The following GRM1 variants were observed in gnomAD, a reference collection of about 807,000 sequenced individuals.
The protein encoded by GRM1 is metabotropic glutamate receptor 1.
In GRM1, 33 loss-of-function variants were observed where a neutral mutation model predicts 90.9. That is an observed-to-expected ratio of 0.36 (90% CI 0.28 to 0.49). The LOEUF is 0.49. Among genes scored for constraint, GRM1 ranks in the 20% least tolerant of loss-of-function variants. The pLI is 0.99. For missense variants in GRM1, 1,190 were observed against 1,534.3 expected (o/e 0.78, Z 3.75); for synonymous variants, 700 against 613.2 (o/e 1.14, Z -2.09).
At chr6:146,335,695 G>T (rs1784749879) in intron 3 of GRM1, among the ~76,000 whole-genome samples, 1 of 151,362 alleles carries the variant, frequency 6.6e-6, no homozygotes, top group Admixed American at 6.6e-5. Flanking sequence ...TAATGTGTAG[G>T]TCTATGATGA....
chr6:146,352,120 G>A, intron 3 of GRM1, 130 bp from the exon 4 acceptor site: 1 of 839,944 alleles, frequency 1.2e-6, no homozygotes, highest in South Asian at 1.4e-5. Context: ...TGCACAGGTG[G>A]GCGTGGCTTC....
chr6:146,219,190 T>C (rs1158480378), intron 2 of GRM1, among the ~76,000 whole-genome samples: 2 of 152,212 alleles, frequency 1.3e-5, no homozygotes, highest in Non-Finnish European at 2.9e-5. Flanking sequence ...GAATTTGAAG[T>C]AGTTTTTTAA....
At chr6:146,130,070 A>G (rs1255913932) in intron 1 of GRM1, among the ~76,000 whole-genome samples, 1 of 152,128 alleles carries the variant, frequency 6.6e-6, no homozygotes, top group Non-Finnish European at 1.5e-5. Context: ...GCTTCATTGT[A>G]TATTTAAGAT....
intron 1 of GRM1, among the ~76,000 whole-genome samples, chr6:146,130,472 T>C (rs1321270362): frequency 2.6e-5 from 4 of 152,134 alleles, no homozygotes; most frequent in Non-Finnish European, 2.9e-5. Flanking sequence ...TTATTTTATA[T>C]TTTTAAGTTT....
At chr6:146,386,406 C>A (rs907093290) in intron 5 of GRM1, among the ~76,000 whole-genome samples, 1 of 151,980 alleles carries the variant, frequency 6.6e-6, no homozygotes, top group African/African-American at 2.4e-5. Flanking sequence ...TATATAGTTG[C>A]TCTTGAGTGA....
chr6:146,267,631 G>GGGTGGGCTGC (rs1241549065), intron 2 of GRM1, among the ~76,000 whole-genome samples: 1 of 137,610 alleles, frequency 7.3e-6, no homozygotes, highest in Non-Finnish European at 1.5e-5. Context: ...GGCTGGGCTG[G>GGGTGGGCTGC]GCTGGGCTGC....
At chr6:146,032,008 T>C (rs1790724297) in intron 1 of GRM1, among the ~76,000 whole-genome samples, 1 of 152,216 alleles carries the variant, frequency 6.6e-6, no homozygotes, top group African/African-American at 2.4e-5. Flanking sequence ...ATTTTCCATA[T>C]TTCATTATAA....
intron 1 of GRM1, among the ~76,000 whole-genome samples, chr6:146,131,494 G>GGT (rs1315632194): frequency 1.1e-4 from 16 of 149,706 alleles, no homozygotes; most frequent in African/African-American, 2.7e-4. Context: ...TATATGATAT[G>GGT]GTATATATAT....
intron 1 of GRM1, among the ~76,000 whole-genome samples, chr6:146,077,537 A>G (rs2128861529): frequency 6.6e-6 from 1 of 152,340 alleles, no homozygotes; most frequent in South Asian, 2.1e-4. Context: ...TAGAACAAGC[A>G]CTAGCTGGAC....
At chr6:146,195,516 C>T (rs558776516) in intron 2 of GRM1, among the ~76,000 whole-genome samples, 4 of 152,000 alleles carry the variant, frequency 2.6e-5, no homozygotes, top group Non-Finnish European at 4.4e-5. Flanking sequence ...GCAGGCAAAG[C>T]CTCTTCTCTT....
chr6:146,140,535 C>G (rs923024207), intron 1 of GRM1, among the ~76,000 whole-genome samples: 5 of 152,148 alleles, frequency 3.3e-5, no homozygotes, highest in Admixed American at 6.5e-5. Context: ...TCCCAAAATT[C>G]TGGGATTATA....
rs1323161227 is a variant in GRM1 at position 146,374,320 on chromosome 6, G to T, written c.1603-12570G>T. ...CAATATTCATCAGAAATAATGGCCT[G>T]TAGTTATACTTTTTTGATGTATCTT... On this transcript the variant is annotated intron_variant, in intron 5 of 7. Coordinates refer to ENST00000282753, the MANE Select transcript of GRM1 (RefSeq NM_001278064.2). Among the ~76,000 whole-genome samples, 3 of 152,022 alleles carry T rather than the reference G, an allele frequency of 2.0e-5. No homozygotes were observed. The East Asian group carries it at 5.8e-4, about 29-fold the overall frequency.
chr6:146,369,274 T>C (rs1160694340), intron 5 of GRM1, among the ~76,000 whole-genome samples: 2 of 151,970 alleles, frequency 1.3e-5, no homozygotes, highest in Admixed American at 6.6e-5. Flanking sequence ...GTTTATCTTT[T>C]CATAAAACTA....
At chr6:146,099,838 T>C (rs1214908931) in intron 1 of GRM1, among the ~76,000 whole-genome samples, 1 of 152,218 alleles carries the variant, frequency 6.6e-6, no homozygotes, top group Non-Finnish European at 1.5e-5. Context: ...TTTGGGGCTA[T>C]TTTGAACAAT....
chr6:146,204,351 A>T (rs987265562), intron 2 of GRM1, among the ~76,000 whole-genome samples: 2 of 152,266 alleles, frequency 1.3e-5, no homozygotes, highest in African/African-American at 4.8e-5. Context: ...GTTTACGGTT[A>T]GCAAAGAAAG....
rs36079128 is a variant in GRM1, at chr6:146,436,275, AT to A, written c.*1484del. 6.6e-6 allele frequency: 1 copy of A among 152,132 alleles called. No homozygotes were observed. The highest frequency in any genetic ancestry group is 2.1e-4 in the South Asian group (1 of 4,834). 9.4% of individuals were successfully genotyped at this position (152,132 alleles called of 1,614,324 possible). A position where few individuals can be genotyped will look rare whatever the true frequency, so the allele number is the denominator to read the frequency against. ...ACATTTTTCTTCTAAGATGGAACTTATTTTTCAGATATTTTCTGATGTGGAG... is the reference window on the plus strand; with the variant it reads ...ACATTTTTCTTCTAAGATGGAACTTATTTTCAGATATTTTCTGATGTGGAG... On this transcript the variant is annotated 3_prime_UTR_variant, in exon 8 of 8. Transcript: ENST00000282753.
chr6:146,387,687 T>A (rs1040830581), intron 6 of GRM1, among the ~76,000 whole-genome samples: 4 of 151,840 alleles, frequency 2.6e-5, no homozygotes, highest in African/African-American at 7.3e-5. Context: ...AACAAGTATG[T>A]GGGGTTGGTA....
intron 2 of GRM1, among the ~76,000 whole-genome samples, chr6:146,174,991 AGAGAGAGAGATC>A (rs1229367794): frequency 6.6e-6 from 1 of 152,010 alleles, no homozygotes; most frequent in Non-Finnish European, 1.5e-5. Context: ...GGGCGGATAG[AGAGAGAGAGATC>A]GAGAGAGAGA....
intron 5 of GRM1, among the ~76,000 whole-genome samples, chr6:146,359,100 C>T (rs362898): frequency 0.071 from 10,823 of 152,106 alleles, 1,278 homozygotes; most frequent in African/African-American, 0.24. Context: ...CATGGAGACA[C>T]TGCTAGCTTC....
Sources: allele counts gnomAD v4.1 joint callset (sites outside exome capture counted in the v4.1 genomes callset), GRCh38; gene constraint gnomAD v4.1.1; transcripts MANE v1.5; gene names NCBI Gene and HGNC (gene_info 2026-07-23, HGNC 2026-07-21).